The following DPP4 variants were observed in gnomAD, a reference collection of about 807,000 sequenced individuals.
The protein encoded by DPP4 is dipeptidyl peptidase 4, also known as ADCP-2.
In DPP4, 93 loss-of-function variants were observed where a neutral mutation model predicts 122.4. The ratio of observed to expected loss-of-function variants is 0.76; its 90% CI spans 0.64 to 0.90. The LOEUF is 0.90. Among genes scored for constraint, DPP4 ranks in the 40% least tolerant of loss-of-function variants. DPP4 has a pLI of 0.00. For synonymous variants in DPP4, 321 were observed against 302.9 expected (o/e 1.06, Z -0.62); for missense variants, 914 against 907.3 (o/e 1.01, Z -0.09).
intron 11 of DPP4, 109 bp downstream of exon 11, chr2:162,024,695 A>C: frequency 4.1e-5 from 57 of 1,400,848 alleles, no homozygotes; most frequent in Non-Finnish European, 5.1e-5. Context: ...GTCAGAAAGA[A>C]GAGAAACTCA....
chr2:162,047,061 T>C, intron 3 of DPP4, 55 bp from the exon 4 acceptor site: 2 of 973,570 alleles, frequency 2.1e-6, no homozygotes, highest in South Asian at 2.9e-5. Context: ...AACATCTTCA[T>C]AAGCTGAAAA....
chr2:162,044,992 T>C (rs1368853169), intron 5 of DPP4, among the ~76,000 whole-genome samples: 1 of 150,756 alleles, frequency 6.6e-6, no homozygotes, highest in African/African-American at 2.5e-5. Context: ...GGGGTCTCAC[T>C]CTGTCCTCTA....
chr2:162,016,474 A>G (rs1273021459), intron 18 of DPP4, among the ~76,000 whole-genome samples: 1 of 152,242 alleles, frequency 6.6e-6, no homozygotes, highest in Non-Finnish European at 1.5e-5. Context: ...TAAACACACA[A>G]TTAATATTAG....
chr2:162,070,153 T>C (rs1461078944), intron 2 of DPP4, among the ~76,000 whole-genome samples: 1 of 152,200 alleles, frequency 6.6e-6, no homozygotes. Context: ...ACATATGCAA[T>C]ATCCTCCTAT....
At chr2:162,034,849 CTAAT>C (rs1683710895) in intron 9 of DPP4, among the ~76,000 whole-genome samples, 1 of 152,184 alleles carries the variant, frequency 6.6e-6, no homozygotes, top group Non-Finnish European at 1.5e-5. Flanking sequence ...AGACGAGCTT[CTAAT>C]TCAATTATAG....
At chr2:162,004,714 G>C (rs1701237849) in intron 23 of DPP4, among the ~76,000 whole-genome samples, 1 of 152,082 alleles carries the variant, frequency 6.6e-6, no homozygotes, top group Non-Finnish European at 1.5e-5. Flanking sequence ...ACTGTATTTT[G>C]ATCAGATGAC....
chr2:162,027,348 CAAA>C (rs3216641), intron 10 of DPP4, among the ~76,000 whole-genome samples: 2 of 111,706 alleles, frequency 1.8e-5, no homozygotes, highest in Non-Finnish European at 1.9e-5. Context: ...GACTCGGTCT[CAAA>C]AAAAAAAAAA....
intron 2 of DPP4, among the ~76,000 whole-genome samples, chr2:162,065,559 G>A (rs1684919721): frequency 6.6e-6 from 1 of 152,168 alleles, no homozygotes. Context: ...GCCAGGTATT[G>A]GGTTCCTTGA....
intron 2 of DPP4, among the ~76,000 whole-genome samples, chr2:162,055,707 G>T (rs1039597112): frequency 6.6e-6 from 1 of 152,014 alleles, no homozygotes; most frequent in Non-Finnish European, 1.5e-5. Context: ...GTACATCCAG[G>T]GGCATATGAT....
chr2:162,043,121 G>T (rs922984570), intron 5 of DPP4, among the ~76,000 whole-genome samples: 34 of 152,202 alleles, frequency 2.2e-4, no homozygotes, highest in African/African-American at 8.2e-4. Context: ...GGAATCTCCA[G>T]GAGGCCCACA....
In DPP4 at chr2:162,033,669, C is replaced by G; in HGVS notation, c.775-16G>C. The G allele has an allele frequency of 6.4e-7, 1 of 1,558,442 alleles. No homozygotes were observed. Among genetic ancestry groups the G allele is most frequent in the Non-Finnish European group, 8.7e-7 (1 of 1,147,868 alleles). On this transcript the variant is annotated splice_polypyrimidine_tract_variant and intron_variant, in intron 9 of 25. Coordinates refer to ENST00000360534, the MANE Select transcript of DPP4 (RefSeq NM_001935.4). ...CAGCTCCTGCCTAGGAAAAAATAAT[C>G]ACAGAATTGGTATTGACAAAAAAAA...
At chr2:162,022,303 G>C (rs1392086367) in intron 12 of DPP4, among the ~76,000 whole-genome samples, 2 of 152,226 alleles carry the variant, frequency 1.3e-5, no homozygotes, top group Admixed American at 6.5e-5. Flanking sequence ...CCTCCAAAGA[G>C]AGGTGCATAG....
In DPP4 at chr2:161,992,391, A is replaced by T. The variant is rs1007205065; in HGVS notation, c.*892T>A. The T allele has an allele frequency of 2.6e-5, 4 of 152,640 alleles. No individual in the cohort carries two copies. Among genetic ancestry groups the T allele is most frequent in the African/African-American group, 9.6e-5 (4 of 41,462 alleles). 9.5% of individuals were successfully genotyped at this position (152,640 alleles called of 1,614,324 possible). A position where few individuals can be genotyped will look rare whatever the true frequency, so the allele number is the denominator to read the frequency against. ...GTTAAAATATTCTTTTAATTAAGAC[A>T]CTCAAAGAAATGAAATAAGAAAAAT... On this transcript the variant is annotated 3_prime_UTR_variant, in exon 26 of 26. Transcript: ENST00000360534.
chr2:162,066,792 T>A (rs1371797486), intron 2 of DPP4, among the ~76,000 whole-genome samples: 1 of 152,166 alleles, frequency 6.6e-6, no homozygotes, highest in African/African-American at 2.4e-5. Flanking sequence ...GGCTGGCATG[T>A]GCAGAGATCA....
At chr2:162,045,490 T>C (rs755666426) in intron 5 of DPP4, 42 bp downstream of exon 5, 1 of 1,434,280 alleles carries the variant, frequency 7.0e-7, no homozygotes, top group African/African-American at 1.4e-5. Flanking sequence ...TAGCATACTC[T>C]TGGATTATTT....
intron 22 of DPP4, among the ~76,000 whole-genome samples, 187 bp from the exon 23 acceptor site, chr2:162,005,996 A>G (rs1701274893): frequency 6.6e-6 from 1 of 152,046 alleles, no homozygotes; most frequent in Non-Finnish European, 1.5e-5. Flanking sequence ...ATGGGAGGTA[A>G]TTTTTTACTT....
intron 10 of DPP4, among the ~76,000 whole-genome samples, chr2:162,027,332 G>C (rs1428775902): frequency 2.0e-5 from 3 of 150,912 alleles, no homozygotes; most frequent in African/African-American, 7.3e-5. Context: ...GCCTGGGTGA[G>C]AGTGAGACTC....
chr2:161,993,845 AT>A (rs113188659), intron 25 of DPP4, among the ~76,000 whole-genome samples: 9,903 of 152,086 alleles, frequency 0.065, 557 homozygotes, highest in African/African-American at 0.15. Flanking sequence ...AAACTAAATG[AT>A]TTTTTTTAAA....
intron 8 of DPP4, among the ~76,000 whole-genome samples, chr2:162,037,959 C>A (rs138666366): frequency 6.6e-6 from 1 of 152,022 alleles, no homozygotes; most frequent in Non-Finnish European, 1.5e-5. Context: ...TAGTAACTTT[C>A]GGGTTAGGTA....
Sources: allele counts gnomAD v4.1 joint callset (sites outside exome capture counted in the v4.1 genomes callset), GRCh38; gene constraint gnomAD v4.1.1; transcripts MANE v1.5; gene names NCBI Gene and HGNC (gene_info 2026-07-23, HGNC 2026-07-21).